SYNGR1: variants seen among roughly 807,000 people sequenced by gnomAD.
The protein encoded by SYNGR1 is synaptogyrin-1.
A neutral mutation model predicts 26.1 loss-of-function variants in SYNGR1; 14 were observed. The observed-to-expected ratio is 0.54, with a 90% CI of 0.35 to 0.84. The LOEUF is 0.84. Ranked by LOEUF, SYNGR1 falls within the 40% of genes least tolerant of loss-of-function variation. The pLI, the probability that SYNGR1 is intolerant of heterozygous loss-of-function variation, is 0.01. For synonymous variants in SYNGR1, 141 were observed against 150.1 expected (o/e 0.94, Z 0.44); for missense variants, 319 against 332.9 (o/e 0.96, Z 0.33).
At chr22:39,373,090 G>T (rs62228448) in intron 1 of SYNGR1, among the ~76,000 whole-genome samples, 2,570 of 151,610 alleles carry the variant, frequency 0.017, 42 homozygotes, top group Middle Eastern at 0.048. Context: ...GATCATGCAG[G>T]GTGCCCTGTA....
chr22:39,382,819 C>T lies in SYNGR1; in HGVS notation c.*905C>T, dbSNP rs924405497. 6.5e-6 allele frequency: 1 copy of T among 152,876 alleles called. No individual in the cohort carries two copies. Among genetic ancestry groups the T allele is most frequent in the African/African-American group, 2.4e-5 (1 of 41,450 alleles). 9.5% of individuals were successfully genotyped at this position (152,876 alleles called of 1,614,324 possible). The stretch of plus-strand genomic sequence containing the variant: ...CCAAGAGGGCTCACCCCGGGTGCTG[C>T]TCTGTGCTCTGCGTGTCCCACAGAC... On this transcript the variant is annotated 3_prime_UTR_variant, in exon 4 of 4. Coordinates refer to ENST00000328933, the MANE Select transcript of SYNGR1 (RefSeq NM_004711.5).
In SYNGR1 at chr22:39,381,750, C is replaced by T; in HGVS notation, c.538C>T (p.Leu180Phe). ...GTACCAGATTGGCGCCGACTCGGCC[C>T]TCTTCTCCCAGGACTACATGGACCC... ...QRYQIGADSA[L>F]FSQDYMDPSQ... Residue 180 changes from leucine (L) to phenylalanine (F), a missense_variant, in exon 4 of 4, where the codon CTC becomes TTC. Leu to Phe is a conservative substitution (Grantham distance 22, BLOSUM62 0). Coordinates refer to ENST00000328933, the MANE Select transcript of SYNGR1 (RefSeq NM_004711.5). 1.2e-6 allele frequency: 2 copies of T among 1,613,508 alleles called. No homozygotes were observed. The highest frequency in any genetic ancestry group is 1.7e-6 in the Non-Finnish European group (2 of 1,180,002).
In SYNGR1 at chr22:39,374,377, A is replaced by T. The variant is rs779013987; in HGVS notation, c.161A>T (p.Glu54Val). 1.2e-6 allele frequency: 2 copies of T among 1,613,970 alleles called. No homozygotes were observed. Among genetic ancestry groups the T allele is most frequent in the South Asian group, 2.2e-5 (2 of 91,068 alleles). Residue 54 changes from glutamate (E) to valine (V), a missense_variant, in exon 2 of 4, where the codon GAG becomes GTG. Physicochemically the swap from Glu to Val is moderately radical, Grantham distance 121. Transcript: ENST00000328933. Reference protein sequence around the residue: ...VNEGYLNSASEGEEFCIYNRN... With the variant: ...VNEGYLNSASVGEEFCIYNRN... ...GAGGGCTACCTCAACAGCGCCTCCG[A>T]GGGGGAGGAGTTCTGCATCTACAAC...
chr22:39,364,171 C>T, intron 1 of SYNGR1: 2 of 1,612,170 alleles, frequency 1.2e-6, no homozygotes, highest in Non-Finnish European at 1.7e-6. Flanking sequence ...GGCTCAGGAC[C>T]AGCAGGCATG....
In SYNGR1 at chr22:39,363,269, A is replaced by G. The variant is rs149686362; in HGVS notation, c.100-11047A>G. Among the ~76,000 whole-genome samples, 72 of 151,244 alleles carry G rather than the reference A, an allele frequency of 4.8e-4. No individual in the cohort carries two copies. In the East Asian group the frequency reaches 0.011, roughly 24 times the overall value. Reference sequence around the variant, plus strand: ...GGCAGGGGGCGGTGGGTGAGCATCAATCCAAGAGTCTAGACCTGGGGGGTG... The same window carrying G: ...GGCAGGGGGCGGTGGGTGAGCATCAGTCCAAGAGTCTAGACCTGGGGGGTG... On this transcript the variant is annotated intron_variant, in intron 1 of 3. Transcript: ENST00000328933.
intron 1 of SYNGR1, chr22:39,364,142 CT>C: frequency 6.2e-7 from 1 of 1,610,820 alleles, no homozygotes; most frequent in South Asian, 1.1e-5. Flanking sequence ...GGCCTGTGCC[CT>C]TTTGCACTGC....
At chr22:39,351,914 T>G (rs1299942711) in intron 1 of SYNGR1, among the ~76,000 whole-genome samples, 1 of 152,164 alleles carries the variant, frequency 6.6e-6, no homozygotes, top group Non-Finnish European at 1.5e-5. Context: ...GATGAGGGTT[T>G]ATACATATGC....
At chr22:39,372,878 C>T (rs1057322291) in intron 1 of SYNGR1, among the ~76,000 whole-genome samples, 11 of 152,092 alleles carry the variant, frequency 7.2e-5, no homozygotes, top group Non-Finnish European at 1.3e-4. Flanking sequence ...TAAAGACCCT[C>T]AGTTCCTTGC....
chr22:39,358,026 C>G (rs1201016609), intron 1 of SYNGR1, among the ~76,000 whole-genome samples: 1 of 152,234 alleles, frequency 6.6e-6, no homozygotes, highest in South Asian at 2.1e-4. Context: ...CCTGCAGCCC[C>G]GGTGCGGGAT....
Position 39,384,796 on chromosome 22 carries a change from A to G in SYNGR1, c.*2882A>G. 1 of 399,030 alleles carries G rather than the reference A, an allele frequency of 2.5e-6. No homozygotes were observed. 24.7% of individuals were successfully genotyped at this position (399,030 alleles called of 1,614,324 possible). A position where few individuals can be genotyped will look rare whatever the true frequency, so the allele number is the denominator to read the frequency against. Reference sequence around the variant, plus strand: ...GGCCCAGGAAAAAAGGTTTCACATAAGTGTAGAGTCGCAAGGACGCTTAGA... The same window carrying G: ...GGCCCAGGAAAAAAGGTTTCACATAGGTGTAGAGTCGCAAGGACGCTTAGA... On this transcript the variant is annotated 3_prime_UTR_variant, in exon 4 of 4. Coordinates refer to ENST00000328933, the MANE Select transcript of SYNGR1 (RefSeq NM_004711.5).
chr22:39,356,042 G>A (rs1196031632), intron 1 of SYNGR1, among the ~76,000 whole-genome samples: 2 of 152,034 alleles, frequency 1.3e-5, no homozygotes, highest in Admixed American at 1.3e-4. Flanking sequence ...GAAAAAGAAA[G>A]AAAGGAAAAG....
chr22:39,364,645 C>T (rs141848950), intron 1 of SYNGR1, among the ~76,000 whole-genome samples: 1 of 152,216 alleles, frequency 6.6e-6, no homozygotes, highest in Non-Finnish European at 1.5e-5. Flanking sequence ...AGTTCGCTCC[C>T]ATTGAAGATG....
At chr22:39,353,282 C>G (rs1434915830) in intron 1 of SYNGR1, among the ~76,000 whole-genome samples, 1 of 152,168 alleles carries the variant, frequency 6.6e-6, no homozygotes, top group Non-Finnish European at 1.5e-5. Flanking sequence ...CACCCTGGAA[C>G]CCAAGCCCTC....
chr22:39,366,475 A>G (rs981845842), intron 1 of SYNGR1, among the ~76,000 whole-genome samples: 2 of 151,900 alleles, frequency 1.3e-5, no homozygotes, highest in African/African-American at 4.8e-5. Context: ...GTGAAACCCC[A>G]TCTCTACTAA....
In SYNGR1 at chr22:39,383,429, A is replaced by G. The variant is rs1161269754; in HGVS notation, c.*1515A>G. ...GGCCGTGGGGCCTGAGGAGGTCATA[A>G]TCTCTTCTGAGTGGGGGCAGGTCGA... On this transcript the variant is annotated 3_prime_UTR_variant, in exon 4 of 4. Coordinates refer to ENST00000328933, the MANE Select transcript of SYNGR1 (RefSeq NM_004711.5). 6.6e-6 allele frequency: 1 copy of G among 152,556 alleles called. No individual in the cohort carries two copies. The allele number at this position is 152,556 out of a possible 1,614,324, so 9.5% of individuals were successfully genotyped here.
intron 1 of SYNGR1, among the ~76,000 whole-genome samples, chr22:39,353,533 C>T (rs566649953): frequency 4.2e-4 from 64 of 152,346 alleles, no homozygotes; most frequent in African/African-American, 1.5e-3. Context: ...GTCATCGCCC[C>T]AGTGGCAGAT....
intron 2 of SYNGR1, 166 bp downstream of exon 2, chr22:39,374,719 A>C (rs1925196640): frequency 1.3e-6 from 1 of 759,516 alleles, no homozygotes; most frequent in South Asian, 1.6e-5. Flanking sequence ...GAAGGATGGG[A>C]CCAGGACAGG....
intron 3 of SYNGR1, chr22:39,377,012 C>T (rs1191628534): frequency 3.2e-6 from 5 of 1,550,792 alleles, no homozygotes; most frequent in Admixed American, 3.9e-5. Flanking sequence ...CACCCTTCTG[C>T]AGAGATCTGG....
intron 1 of SYNGR1, among the ~76,000 whole-genome samples, chr22:39,355,625 G>A (rs184935992): frequency 6.6e-6 from 1 of 152,308 alleles, no homozygotes; most frequent in Admixed American, 6.5e-5. Context: ...CCATCAGAGC[G>A]GGACCTTGGA....
Sources: gnomAD v4.1 joint callset for allele counts (sites outside exome capture counted in the v4.1 genomes callset) on GRCh38, gnomAD v4.1.1 for gene constraint, MANE v1.5 for transcripts, NCBI Gene and HGNC (gene_info 2026-07-23, HGNC 2026-07-21) for gene names.